ARHGAP17: variants seen among roughly 807,000 people sequenced by gnomAD.
ARHGAP17 encodes the protein Rho GTPase activating protein 17.
ARHGAP17 carries 57 observed loss-of-function variants against 99.5 expected under a neutral mutation model. That is an observed-to-expected ratio of 0.57 (90% CI 0.46 to 0.71). The LOEUF is 0.71. Ranked by LOEUF, ARHGAP17 falls within the 30% of genes least tolerant of loss-of-function variation. The pLI is 0.00. For missense variants in ARHGAP17, 1,000 were observed against 1,122.4 expected (o/e 0.89, Z 1.56); for synonymous variants, 417 against 429.6 (o/e 0.97, Z 0.36).
At chr16:24,926,207 A>T (rs114369664) in intron 19 of ARHGAP17, among the ~76,000 whole-genome samples, 2,812 of 152,190 alleles carry the variant, frequency 0.018, 83 homozygotes, top group African/African-American at 0.063. Context: ...TTTCAATTGT[A>T]TAGCTACAGT....
chr16:24,992,145 G>A (rs1374787064), intron 1 of ARHGAP17, among the ~76,000 whole-genome samples: 1 of 152,122 alleles, frequency 6.6e-6, no homozygotes, highest in African/African-American at 2.4e-5. Context: ...GAACTCGGGG[G>A]CAACAGGGAG....
chr16:24,985,961 T>G (rs1159145482), intron 1 of ARHGAP17, among the ~76,000 whole-genome samples: 1 of 152,168 alleles, frequency 6.6e-6, no homozygotes, highest in Non-Finnish European at 1.5e-5. Flanking sequence ...CATTAACCTA[T>G]TCTGTGGATA....
intron 1 of ARHGAP17, among the ~76,000 whole-genome samples, chr16:25,013,489 T>C (rs2053697222): frequency 6.6e-6 from 1 of 152,100 alleles, no homozygotes; most frequent in Non-Finnish European, 1.5e-5. Flanking sequence ...GATGTGGTGG[T>C]GCCCACCTGT....
rs549662933 is a variant in ARHGAP17, at chr16:24,924,441, T to G, written c.2516-4181A>C. Among the ~76,000 whole-genome samples, 4 of 76,772 alleles carry G rather than the reference T, an allele frequency of 5.2e-5. No individual in the cohort carries two copies. The East Asian group carries it at 1.2e-3, about 23-fold the overall frequency. 50.4% of individuals were successfully genotyped at this position (76,772 alleles called of 152,430 possible). A position where few individuals can be genotyped will look rare whatever the true frequency, so the allele number is the denominator to read the frequency against. ...AACCTTTTATTGGAGGTCTCTTTTC[T>G]GTTTTTTTTTTTTTTAAATAAAATA... On this transcript the variant is annotated intron_variant, in intron 19 of 19. Transcript: ENST00000289968.
intron 10 of ARHGAP17, among the ~76,000 whole-genome samples, chr16:24,954,027 C>T (rs1197862756): frequency 6.6e-6 from 1 of 150,518 alleles, no homozygotes; most frequent in African/African-American, 2.5e-5. Context: ...TATTTCAATA[C>T]AAAGCTTTAA....
chr16:24,968,968 T>C (rs1313753904), intron 4 of ARHGAP17, among the ~76,000 whole-genome samples, 196 bp from the exon 5 acceptor site: 1 of 152,200 alleles, frequency 6.6e-6, no homozygotes, highest in Non-Finnish European at 1.5e-5. Context: ...AAAATGACTG[T>C]CTCAGGGATG....
chr16:25,002,631 A>G (rs1012408504), intron 1 of ARHGAP17, among the ~76,000 whole-genome samples: 3 of 152,240 alleles, frequency 2.0e-5, no homozygotes, highest in Non-Finnish European at 4.4e-5. Context: ...CTGGCTCTCA[A>G]AAGTTGGTGC....
intron 4 of ARHGAP17, among the ~76,000 whole-genome samples, 193 bp from the exon 5 acceptor site, chr16:24,968,965 CTG>C (rs1380440167): frequency 6.6e-6 from 1 of 152,172 alleles, no homozygotes; most frequent in Non-Finnish European, 1.5e-5. Context: ...ATAAAAATGA[CTG>C]TCTCAGGGAT....
At chr16:24,944,568 A>C (rs1199230446) in intron 14 of ARHGAP17, among the ~76,000 whole-genome samples, 1 of 152,144 alleles carries the variant, frequency 6.6e-6, no homozygotes, top group Non-Finnish European at 1.5e-5. Flanking sequence ...TTTGCCTACG[A>C]TATCACCAAG....
chr16:25,011,180 G>C (rs1321955660), intron 1 of ARHGAP17, among the ~76,000 whole-genome samples: 4 of 152,142 alleles, frequency 2.6e-5, no homozygotes, highest in African/African-American at 9.7e-5. Flanking sequence ...GGCTACAAAA[G>C]ACACACCATG....
chr16:24,978,847 AT>A, intron 2 of ARHGAP17, 118 bp downstream of exon 2: 1 of 721,044 alleles, frequency 1.4e-6, no homozygotes, highest in South Asian at 1.9e-5. Flanking sequence ...ACACTAATTA[AT>A]TTTATTCTGT....
At position 24,968,710 on chromosome 16, in the gene ARHGAP17, T is replaced by C; in HGVS notation, c.335A>G (p.Glu112Gly). ...NQLALELSQH[E>G]VFVEKEIVDP... The stretch of plus-strand genomic sequence containing the variant: ...CACGATCTCCTTCTCAACAAAGACT[T>C]CGTGCTGGGAGAGCTCGAGAGCCAG... Residue 112 changes from glutamate (E) to glycine (G), a missense_variant, in exon 5 of 20, where the codon GAA becomes GGA. Physicochemically the swap from Glu to Gly is moderately conservative, Grantham distance 98. This residue lies in a region of ARHGAP17 where 472 missense variants were observed against 611.1 expected (regional missense o/e 0.77). Transcript: ENST00000289968. 1 of 1,614,190 alleles carries C rather than the reference T, an allele frequency of 6.2e-7. No homozygotes were observed. The highest frequency in any genetic ancestry group is 8.5e-7 in the Non-Finnish European group (1 of 1,180,030).
chr16:24,968,384 C>T lies in ARHGAP17; in HGVS notation c.428G>A (p.Arg143Lys). The change falls in exon 6 of 20, where the codon AGA becomes AAA. Residue 143 changes from arginine to lysine, a missense_variant. Arg to Lys is a conservative substitution (Grantham distance 26). Coordinates refer to ENST00000289968, the MANE Select transcript of ARHGAP17 (RefSeq NM_001006634.3). ...GACTGAATCCCAGTCTAACACCAATCTTGCAAGCTGCTTCCTCTGCTTCTG... is the reference window on the plus strand; with the variant it reads ...GACTGAATCCCAGTCTAACACCAATTTTGCAAGCTGCTTCCTCTGCTTCTG... ...NIQKQRKQLA[R>K]LVLDWDSVRA... 6.2e-7 allele frequency: 1 copy of T among 1,614,258 alleles called. No individual in the cohort carries two copies.
At chr16:25,000,198 A>T (rs1375562781) in intron 1 of ARHGAP17, among the ~76,000 whole-genome samples, 1 of 152,228 alleles carries the variant, frequency 6.6e-6, no homozygotes, top group Non-Finnish European at 1.5e-5. Flanking sequence ...TGAAAACTGA[A>T]TTAACTAATC....
chr16:24,964,085 C>T, intron 7 of ARHGAP17, 112 bp downstream of exon 7: 1 of 674,968 alleles, frequency 1.5e-6, no homozygotes, highest in South Asian at 2.9e-5. Flanking sequence ...CCTTTAAAAT[C>T]ATTCAAAATA....
chr16:24,947,555 C>T lies in ARHGAP17; in HGVS notation c.1168G>A (p.Asp390Asn). Residue 390 changes from aspartate (D) to asparagine (N), a missense_variant, in exon 14 of 20, where the codon GAT becomes AAT. By Grantham distance (23) the Asp-to-Asn change is conservative. Around this residue, in one of 2 missense-constraint regions of ARHGAP17, gnomAD observed 472 missense variants for 611.1 expected, o/e 0.77. Transcript: ENST00000289968. ...TTGCTGGGAGTCATTTTATTCACAT[C>T]GCTGGTCTGAGCAAGCTTTGCAAGG... ...KFLAKLAQTS[D>N]VNKMTPSNIA... 1.9e-6 allele frequency: 3 copies of T among 1,613,256 alleles called. No homozygotes were observed. The highest frequency in any genetic ancestry group is 1.1e-5 in the South Asian group (1 of 91,082).
In ARHGAP17 at chr16:24,952,978, G is replaced by C. The variant is rs377570091; in HGVS notation, c.917C>G (p.Ser306Cys). ...LKKLKAALDC[S>C]TSHLDEFYSD... is the part of the protein sequence containing the mutation. ...ATAGAACTCATCCAGGTGAGAAGTA[G>C]AACAGTCCAAAGCAGCTTTCAGCTT... The change falls in exon 11 of 20, where the codon TCT becomes TGT. Residue 306 changes from serine to cysteine, a missense_variant. Transcript: ENST00000289968. 6.2e-7 allele frequency: 1 copy of C among 1,614,082 alleles called. No homozygotes were observed. The highest frequency in any genetic ancestry group is 8.5e-7 in the Non-Finnish European group (1 of 1,180,034).
chr16:24,977,541 A>T, intron 2 of ARHGAP17: 1 of 355,746 alleles, frequency 2.8e-6, no homozygotes, highest in Admixed American at 4.8e-5. Flanking sequence ...CCGGGCCCAG[A>T]CCCACTGCCA....
rs1201471392 is a variant in ARHGAP17 at position 24,960,032 on chromosome 16, T to C, written c.574-53A>G. 41 of 1,556,240 alleles carry C rather than the reference T, an allele frequency of 2.6e-5. No homozygotes were observed. The East Asian group carries it at 8.7e-4, about 33-fold the overall frequency. On this transcript the variant is annotated intron_variant, in intron 7 of 19. Coordinates refer to ENST00000289968, the MANE Select transcript of ARHGAP17 (RefSeq NM_001006634.3). ...TGAAGAAAAAAGAAGTGAAACAAAA[T>C]GGCATCTGAGAACAATCTCTGTGAG...
Sources: gnomAD v4.1 joint callset for allele counts (sites outside exome capture counted in the v4.1 genomes callset) on GRCh38, gnomAD v4.1.1 for gene constraint, gnomAD v4.1.1 regional missense constraint, MANE v1.5 for transcripts, NCBI Gene and HGNC (gene_info 2026-07-23, HGNC 2026-07-21) for gene names.